The following SGCG variants were observed in gnomAD, a reference collection of about 807,000 sequenced individuals.
SGCG encodes the protein gamma-sarcoglycan.
Under a neutral mutation model 29.3 loss-of-function variants are expected in SGCG, and 26 were observed. The observed-to-expected ratio is 0.89, with a 90% confidence interval of 0.65 to 1.23. The LOEUF (loss-of-function observed/expected upper bound fraction) is 1.23, where lower values mean the gene tolerates loss of function less well. SGCG is among the 50% of genes most tolerant of loss of function. The probability of loss-of-function intolerance (pLI) is 0.00; values close to 1 mark genes in which losing one functional copy is unlikely to be tolerated. For missense variants in SGCG, 353 were observed against 356.0 expected (o/e 0.99, Z 0.07); for synonymous variants, 145 against 129.7 (o/e 1.12, Z -0.80).
chr13:23,222,561 C>T (rs2137529691), intron 2 of SGCG, among the ~76,000 whole-genome samples: 1 of 152,306 alleles, frequency 6.6e-6, no homozygotes, highest in Non-Finnish European at 1.5e-5. Flanking sequence ...CGCAGTGGCT[C>T]ATGCCTGTAA....
intron 1 of SGCG, among the ~76,000 whole-genome samples, chr13:23,196,928 C>G (rs1311135369): frequency 6.6e-6 from 1 of 152,164 alleles, no homozygotes; most frequent in Non-Finnish European, 1.5e-5. Context: ...ATTCCCAATA[C>G]TAGCATAACA....
At chr13:23,179,694 A>G (rs9507045), upstream of SGCG, among the ~76,000 whole-genome samples, 32,317 of 152,196 alleles carry the variant, frequency 0.21, 4,093 homozygotes, top group East Asian at 0.32. Flanking sequence ...TACAAATGTA[A>G]GATTATTTGA....
chr13:23,288,225 G>A (rs1428009982), intron 5 of SGCG, among the ~76,000 whole-genome samples: 1 of 152,188 alleles, frequency 6.6e-6, no homozygotes, highest in Non-Finnish European at 1.5e-5. Context: ...GGAAAGAGAA[G>A]TGATAGGAAA....
intron 2 of SGCG, chr13:23,217,532 C>A (rs1040011980): frequency 2.0e-5 from 3 of 152,070 alleles, no homozygotes; most frequent in Non-Finnish European, 2.9e-5. Context: ...GCTAAATGAA[C>A]ATAACATCTG....
At chr13:23,204,080 A>G (rs1211255388) in intron 2 of SGCG, among the ~76,000 whole-genome samples, 191 bp downstream of exon 2, 1 of 151,148 alleles carries the variant, frequency 6.6e-6, no homozygotes, top group African/African-American at 2.5e-5. Context: ...ATTGTGAACT[A>G]TAGTGTGTTG....
chr13:23,240,819 G>A (rs535210310), intron 3 of SGCG, among the ~76,000 whole-genome samples: 1 of 152,248 alleles, frequency 6.6e-6, no homozygotes, highest in Non-Finnish European at 1.5e-5. Flanking sequence ...CTGAGGCAGT[G>A]CTTAGACGGA....
At chr13:23,315,322 C>G (rs926074066) in intron 6 of SGCG, among the ~76,000 whole-genome samples, 1 of 152,168 alleles carries the variant, frequency 6.6e-6, no homozygotes, top group Non-Finnish European at 1.5e-5. Context: ...TAAAGTGGGT[C>G]GTGCACAACA....
At chr13:23,161,162 C>A in the SGCG span, among the ~76,000 whole-genome samples, 1 of 152,150 alleles carries the variant, frequency 6.6e-6, no homozygotes, top group Admixed American at 6.5e-5. Context: ...GGGGCTCTGT[C>A]GTCTTCAATG....
chr13:23,307,856 A>C (rs1462231564), intron 6 of SGCG, among the ~76,000 whole-genome samples: 1 of 152,226 alleles, frequency 6.6e-6, no homozygotes, highest in Non-Finnish European at 1.5e-5. Flanking sequence ...AAATACAACT[A>C]CATATAGACA....
intron 3 of SGCG, among the ~76,000 whole-genome samples, chr13:23,249,086 A>G (rs59997139): frequency 0.2 from 30,256 of 151,910 alleles, 3,149 homozygotes; most frequent in South Asian, 0.32. Flanking sequence ...TACTAGTAAA[A>G]TCTTGCAATG....
intron 1 of SGCG, among the ~76,000 whole-genome samples, chr13:23,184,611 G>A (rs1042285913): frequency 1.3e-5 from 2 of 152,138 alleles, no homozygotes; most frequent in African/African-American, 4.8e-5. Flanking sequence ...ATGTAGGCTG[G>A]TCCCCTTCAC....
intron 6 of SGCG, among the ~76,000 whole-genome samples, chr13:23,300,151 A>C (rs1244519780): frequency 1.3e-5 from 2 of 152,194 alleles, no homozygotes; most frequent in African/African-American, 4.8e-5. Flanking sequence ...ACGTCTGTTC[A>C]TCTACTTATC....
intron 1 of SGCG, among the ~76,000 whole-genome samples, chr13:23,183,705 A>G (rs540809591): frequency 5.9e-5 from 9 of 152,132 alleles, no homozygotes; most frequent in Non-Finnish European, 1.3e-4. Flanking sequence ...GTCTCGCTCT[A>G]TCGCCCAGGC....
chr13:23,190,241 A>G (rs954478400), intron 1 of SGCG, among the ~76,000 whole-genome samples: 1 of 152,136 alleles, frequency 6.6e-6, no homozygotes, highest in African/African-American at 2.4e-5. Context: ...TGATAATATT[A>G]ATAATATATG....
At chr13:23,192,161 T>C (rs4460914) in intron 1 of SGCG, among the ~76,000 whole-genome samples, 109,184 of 143,644 alleles carry the variant, frequency 0.76, 41,525 homozygotes, top group East Asian at 0.87. Flanking sequence ...GGCGACAGAG[T>C]GAGACTGCGT....
chr13:23,320,558 T>C, intron 6 of SGCG, 79 bp from the exon 7 acceptor site: 5 of 1,227,286 alleles, frequency 4.1e-6, no homozygotes, highest in Non-Finnish European at 4.6e-6. Flanking sequence ...ATATTTCCCA[T>C]GCTAAGTTGA....
intron 4 of SGCG, among the ~76,000 whole-genome samples, chr13:23,276,431 C>CTTTTTTTTTTTTCTTTTTTT (rs1881071011): frequency 9.8e-6 from 1 of 102,336 alleles, no homozygotes; most frequent in Non-Finnish European, 1.9e-5. Flanking sequence ...TTTTAGTTTT[C>CTTTTTTTTTTTTCTTTTTTT]TTTTTTTTTT....
intron 3 of SGCG, chr13:23,244,077 CCT>C (rs1474537028): frequency 3.3e-5 from 5 of 152,002 alleles, no homozygotes; most frequent in African/African-American, 9.7e-5. Flanking sequence ...TATTTGGTTT[CCT>C]CTGAGTGAAC....
intron 1 of SGCG, among the ~76,000 whole-genome samples, chr13:23,199,488 GAA>G (rs1356697007): frequency 6.6e-6 from 1 of 152,188 alleles, no homozygotes; most frequent in Non-Finnish European, 1.5e-5. Flanking sequence ...GATAGCCTCT[GAA>G]AGTCTCTCCT....
Sources: gnomAD v4.1 joint callset for allele counts (sites outside exome capture counted in the v4.1 genomes callset) on GRCh38, gnomAD v4.1.1 for gene constraint, MANE v1.5 for transcripts, NCBI Gene and HGNC (gene_info 2026-07-23, HGNC 2026-07-21) for gene names.